EHMT1: variants seen among roughly 807,000 people sequenced by gnomAD.
The protein encoded by EHMT1 is histone-lysine N-methyltransferase EHMT1.
In EHMT1, 15 loss-of-function variants were observed where a neutral mutation model predicts 147.2. The observed-to-expected ratio is 0.10, with a 90% CI of 0.07 to 0.16. The LOEUF (loss-of-function observed/expected upper bound fraction) is 0.16. Among genes scored for constraint, EHMT1 ranks in the 10% least tolerant of loss-of-function variants. The pLI is 1.00. For missense variants in EHMT1, 1,587 were observed against 1,772.4 expected (o/e 0.90, Z 1.88); for synonymous variants, 795 against 709.6 (o/e 1.12, Z -1.91).
rs371622664 is a variant in EHMT1 at position 137,817,533 on chromosome 9, A to C, written c.3461+8A>C. ...AGGCACCTTTGTCTGCGAGTGAGTG[A>C]GTCCCTGGGTCACCCCAAGCCTGGT... is the stretch of plus-strand genomic sequence containing the variant. On this transcript the variant is annotated splice_region_variant and intron_variant, in intron 24 of 26. Coordinates refer to ENST00000460843, the MANE Select transcript of EHMT1 (RefSeq NM_024757.5). 1.2e-6 allele frequency: 2 copies of C among 1,614,152 alleles called. No individual in the cohort carries two copies. Among genetic ancestry groups the C allele is most frequent in the Non-Finnish European group, 8.5e-7 (1 of 1,180,012 alleles).
intron 7 of EHMT1, 136 bp from the exon 8 acceptor site, chr9:137,754,035 C>T: frequency 6.9e-7 from 1 of 1,455,172 alleles, no homozygotes; most frequent in Admixed American, 1.7e-5. Flanking sequence ...AAAATGTCTA[C>T]AAGTTAAGTT....
chr9:137,638,878 A>G (rs1214313008), intron 1 of EHMT1, among the ~76,000 whole-genome samples: 1 of 152,186 alleles, frequency 6.6e-6, no homozygotes, highest in Non-Finnish European at 1.5e-5. Context: ...AGCAGACCCC[A>G]GAGCCTGGCC....
At chr9:137,691,831 C>G (rs1176593069) in intron 1 of EHMT1, among the ~76,000 whole-genome samples, 1 of 152,186 alleles carries the variant, frequency 6.6e-6, no homozygotes, top group Non-Finnish European at 1.5e-5. Flanking sequence ...GCTTGGTACA[C>G]TTGCCTGGCT....
At chr9:137,628,360 T>C (rs994681998) in intron 1 of EHMT1, among the ~76,000 whole-genome samples, 1 of 152,246 alleles carries the variant, frequency 6.6e-6, no homozygotes, top group African/African-American at 2.4e-5. Context: ...TTGTCTTTGA[T>C]TGATTTTTGC....
At chr9:137,728,594 G>A (rs751738822) in intron 4 of EHMT1, 65 bp downstream of exon 4, 37 of 1,607,334 alleles carry the variant, frequency 2.3e-5, no homozygotes, top group Non-Finnish European at 3.0e-5. Context: ...CCCTTGCCAG[G>A]TGAGAGTTCT....
intron 16 of EHMT1, among the ~76,000 whole-genome samples, chr9:137,791,631 GA>G (rs1384719087): frequency 6.6e-6 from 1 of 152,156 alleles, no homozygotes; most frequent in Admixed American, 6.5e-5. Context: ...TGAATAAATA[GA>G]AAGACATCCC....
intron 1 of EHMT1, among the ~76,000 whole-genome samples, chr9:137,657,285 G>A (rs528312234): frequency 6.6e-6 from 1 of 152,272 alleles, no homozygotes; most frequent in African/African-American, 2.4e-5. Context: ...TTCTCCTAGA[G>A]GGACCACTGG....
chr9:137,672,374 T>C (rs981121656), intron 1 of EHMT1, among the ~76,000 whole-genome samples: 1 of 152,268 alleles, frequency 6.6e-6, no homozygotes, highest in African/African-American at 2.4e-5. Flanking sequence ...TTTATTGTTA[T>C]TTGTACAGGA....
chr9:137,668,640 C>T lies in EHMT1; in HGVS notation c.22-42327C>T, dbSNP rs150223958. Among the ~76,000 whole-genome samples the T allele has an allele frequency of 9.1e-4, 138 of 152,330 alleles. No homozygotes were observed. In the East Asian group the frequency reaches 0.017, roughly 18 times the overall value. On this transcript the variant is annotated intron_variant, in intron 1 of 26. Coordinates refer to ENST00000460843, the MANE Select transcript of EHMT1 (RefSeq NM_024757.5). ...TGTCCCCCACTCCCCCAACCCAGTC[C>T]CTGGCAACCACTCATCTGCTTTCCT...
chr9:137,784,006 T>G (rs1200106844), intron 15 of EHMT1: 5 of 581,618 alleles, frequency 8.6e-6, no homozygotes, highest in Non-Finnish European at 1.5e-5. Context: ...TGTCTTATAT[T>G]GTAGTTTTAA....
rs889330524 is a variant in EHMT1, at chr9:137,803,005, C to T, written c.2712+2021C>T. On this transcript the variant is annotated intron_variant, in intron 18 of 26. Transcript: ENST00000460843. ...AGGCAGAGAACAAGGCAGAGGCCAC[C>T]CCCAGGTGGGGCCACCTCACCCACC... 3.2e-6 allele frequency: 4 copies of T among 1,231,518 alleles called. No homozygotes were observed. In the Admixed American group the frequency reaches 1.3e-4, roughly 39 times the overall value. 76.3% of individuals were successfully genotyped at this position (1,231,518 alleles called of 1,614,324 possible).
In EHMT1 at chr9:137,752,529, G is replaced by A. The variant is rs187988466; in HGVS notation, c.1248+121G>A. On this transcript the variant is annotated intron_variant, in intron 7 of 26. Transcript: ENST00000460843. ...CTGAGCGCTCACCCATGTGCTTGGA[G>A]CTGGTCATGGTGATGGCCACAGATG... 9.1e-5 allele frequency: 108 copies of A among 1,187,804 alleles called. No individual in the cohort carries two copies. In the East Asian group the frequency reaches 2.0e-3, roughly 22 times the overall value. 73.6% of individuals were successfully genotyped at this position (1,187,804 alleles called of 1,614,324 possible).
At chr9:137,720,769 G>C (rs1466965966) in intron 3 of EHMT1, among the ~76,000 whole-genome samples, 2 of 152,142 alleles carry the variant, frequency 1.3e-5, no homozygotes, top group Non-Finnish European at 2.9e-5. Flanking sequence ...TTGTACGTCG[G>C]CACTCACCCG....
At position 137,716,872 on chromosome 9, in the gene EHMT1, C is replaced by T. The variant is rs764884859; in HGVS notation, c.332C>T (p.Ala111Val). 36 of 1,613,160 alleles carry T rather than the reference C, an allele frequency of 2.2e-5. No individual in the cohort carries two copies. The highest frequency in any genetic ancestry group is 1.6e-4 in the Middle Eastern group (1 of 6,080). The change falls in exon 3 of 27, where the codon GCC (alanine) becomes GTC (valine). Residue 111 changes from alanine (A) to valine (V), a missense_variant. By Grantham distance (64) the Ala-to-Val change is moderately conservative. This residue lies in a region of EHMT1 where 810 missense variants were observed against 673.0 expected (regional missense o/e 1.20). Coordinates refer to ENST00000460843, the MANE Select transcript of EHMT1 (RefSeq NM_024757.5). ...SEAAKQNHVT[A>V]DDFVQTSVIG... ...GCGGCGAAGCAAAACCACGTCACTGCCGACGACTTTGTGCAGACTTCTGTC... is the reference window on the plus strand; with the variant it reads ...GCGGCGAAGCAAAACCACGTCACTGTCGACGACTTTGTGCAGACTTCTGTC...
At chr9:137,822,133 GCAT>G (rs1343114537) in intron 25 of EHMT1, among the ~76,000 whole-genome samples, 1 of 152,188 alleles carries the variant, frequency 6.6e-6, no homozygotes, top group African/African-American at 2.4e-5. Context: ...AGTTCCACCT[GCAT>G]TCACATTTTC....
At chr9:137,652,360 G>T (rs575210758) in intron 1 of EHMT1, among the ~76,000 whole-genome samples, 2 of 152,130 alleles carry the variant, frequency 1.3e-5, no homozygotes, top group Non-Finnish European at 2.9e-5. Flanking sequence ...GATTACAGGC[G>T]TGAGCCACAA....
chr9:137,629,128 C>T (rs1208745501), intron 1 of EHMT1, among the ~76,000 whole-genome samples: 1 of 148,082 alleles, frequency 6.8e-6, no homozygotes, highest in Non-Finnish European at 1.5e-5. Flanking sequence ...GTTTCGCTCT[C>T]GTTGCCCAGG....
chr9:137,795,435 A>ACACACT (rs1554887527), intron 16 of EHMT1, among the ~76,000 whole-genome samples: 5 of 132,554 alleles, frequency 3.8e-5, no homozygotes, highest in African/African-American at 1.3e-4. Flanking sequence ...ACACTCTCAC[A>ACACACT]CTCACATACA....
intron 1 of EHMT1, among the ~76,000 whole-genome samples, chr9:137,620,795 C>T (rs1842906521): frequency 6.6e-6 from 1 of 152,226 alleles, no homozygotes; most frequent in Non-Finnish European, 1.5e-5. Context: ...GTGTTTAATA[C>T]ATGACCGATG....
Sources: allele counts gnomAD v4.1 joint callset (sites outside exome capture counted in the v4.1 genomes callset), GRCh38; gene constraint gnomAD v4.1.1; regional missense constraint gnomAD v4.1.1; transcripts MANE v1.5; gene names NCBI Gene and HGNC (gene_info 2026-07-23, HGNC 2026-07-21).